FAM171A1: variants seen among roughly 807,000 people sequenced by gnomAD.
FAM171A1 encodes family with sequence similarity 171 member A1.
In FAM171A1, 23 loss-of-function variants were observed where a neutral mutation model predicts 74.9. The observed-to-expected ratio is 0.31, with a 90% confidence interval of 0.22 to 0.44. FAM171A1 has a LOEUF of 0.44. Ranked by LOEUF, FAM171A1 falls within the 20% of genes least tolerant of loss-of-function variation. The pLI, the probability that FAM171A1 is intolerant of heterozygous loss-of-function variation, is 1.00. For synonymous variants in FAM171A1, 527 were observed against 505.7 expected (o/e 1.04, Z -0.57); for missense variants, 1,162 against 1,159.2 (o/e 1.00, Z -0.03).
chr10:15,224,818 A>G (rs1005250060), intron 5 of FAM171A1, among the ~76,000 whole-genome samples: 1 of 152,188 alleles, frequency 6.6e-6, no homozygotes, highest in Non-Finnish European at 1.5e-5. Flanking sequence ...CTTTATCAGC[A>G]GCGTGAAAAC....
At chr10:15,225,274 A>G (rs1289058235) in intron 5 of FAM171A1, among the ~76,000 whole-genome samples, 2 of 152,198 alleles carry the variant, frequency 1.3e-5, no homozygotes, top group African/African-American at 4.8e-5. Flanking sequence ...TCAAAAAATA[A>G]TATCTGGTAA....
intron 1 of FAM171A1, among the ~76,000 whole-genome samples, chr10:15,302,612 T>G (rs565645731): frequency 6.6e-6 from 1 of 152,058 alleles, no homozygotes; most frequent in East Asian, 1.9e-4. Flanking sequence ...CTCCAAGCAT[T>G]AGTGAGTGTT....
intron 5 of FAM171A1, among the ~76,000 whole-genome samples, chr10:15,221,342 G>C (rs980541018): frequency 1.2e-4 from 18 of 152,166 alleles, no homozygotes; most frequent in Non-Finnish European, 2.1e-4. Flanking sequence ...AAACACAGAT[G>C]ATTTTAGCAG....
chr10:15,256,438 A>G (rs1834581560), intron 3 of FAM171A1, among the ~76,000 whole-genome samples: 1 of 152,176 alleles, frequency 6.6e-6, no homozygotes, highest in Non-Finnish European at 1.5e-5. Flanking sequence ...ACTAGCAGGT[A>G]GACTTCTCCA....
intron 1 of FAM171A1, among the ~76,000 whole-genome samples, chr10:15,301,362 A>ATATATGTATT (rs575709720): frequency 1.4e-5 from 2 of 141,564 alleles, no homozygotes; most frequent in African/African-American, 5.2e-5. Flanking sequence ...ATATATATAT[A>ATATATGTATT]TTTTTTTTTT....
rs1461526642 is a variant in FAM171A1, at chr10:15,214,823, T to C, written c.987-222A>G. ...TCGCCCACGTTGGAGTGCAGTGCTA[T>C]GATCATAGCTCACTGCAGGCTTGAC... On this transcript the variant is annotated intron_variant, in intron 7 of 7. Coordinates refer to ENST00000378116, the MANE Select transcript of FAM171A1 (RefSeq NM_001010924.2). 4.0e-5 allele frequency among the ~76,000 whole-genome samples: 6 copies of C among 151,742 alleles called. No homozygotes were observed. The East Asian group carries it at 1.2e-3, about 30-fold the overall frequency.
intron 1 of FAM171A1, among the ~76,000 whole-genome samples, chr10:15,324,918 A>C (rs1287947688): frequency 1.3e-5 from 2 of 152,188 alleles, no homozygotes; most frequent in East Asian, 3.8e-4. Context: ...ATGTGCAGTG[A>C]CTCGTTACAG....
chr10:15,283,737 A>G lies in FAM171A1; in HGVS notation c.325+141T>C, dbSNP rs1834998678. ...GTAGCTGGGACTACAGGTGCACACT[A>G]TGATGCCTGGCTAATTTTAAATTTT... On this transcript the variant is annotated intron_variant, in intron 2 of 7. Coordinates refer to ENST00000378116, the MANE Select transcript of FAM171A1 (RefSeq NM_001010924.2). 8.0e-6 allele frequency: 6 copies of G among 753,110 alleles called. No homozygotes were observed. In the South Asian group the frequency reaches 1.1e-4, roughly 14 times the overall value. The allele number at this position is 753,110 out of a possible 1,614,324, so 46.7% of individuals were successfully genotyped here.
intron 5 of FAM171A1, among the ~76,000 whole-genome samples, chr10:15,229,924 TCATCATCATCAC>T: frequency 2.6e-5 from 2 of 75,964 alleles, no homozygotes. Context: ...ATCACCAACA[TCATCATCATCAC>T]CATCACCATC....
intron 1 of FAM171A1, among the ~76,000 whole-genome samples, chr10:15,367,259 A>C (rs763724106): frequency 6.6e-6 from 1 of 152,208 alleles, no homozygotes; most frequent in Non-Finnish European, 1.5e-5. Flanking sequence ...TAATACTTGA[A>C]AGCTATTTGT....
chr10:15,259,178 A>T (rs1356381479), intron 3 of FAM171A1, among the ~76,000 whole-genome samples: 1 of 152,190 alleles, frequency 6.6e-6, no homozygotes, highest in Non-Finnish European at 1.5e-5. Flanking sequence ...CATCCTTGGC[A>T]TTCACTCAAG....
chr10:15,246,715 G>T (rs1834439609), intron 5 of FAM171A1, among the ~76,000 whole-genome samples: 2 of 152,140 alleles, frequency 1.3e-5, no homozygotes, highest in South Asian at 4.1e-4. Context: ...TAGAGATAGG[G>T]TTTCACCATG....
intron 5 of FAM171A1, among the ~76,000 whole-genome samples, chr10:15,230,003 T>C (rs563193718): frequency 6.7e-6 from 1 of 148,660 alleles, no homozygotes; most frequent in Non-Finnish European, 1.5e-5. Context: ...AGAAAACAGA[T>C]GACTTGCTTC....
chr10:15,251,134 C>T (rs1306128032), intron 4 of FAM171A1, among the ~76,000 whole-genome samples: 1 of 152,162 alleles, frequency 6.6e-6, no homozygotes, highest in Non-Finnish European at 1.5e-5. Flanking sequence ...TGCCTTCCTG[C>T]ATCTATGGAA....
At chr10:15,299,827 A>T (rs1391187209) in intron 1 of FAM171A1, among the ~76,000 whole-genome samples, 1 of 151,872 alleles carries the variant, frequency 6.6e-6, no homozygotes, top group African/African-American at 2.4e-5. Context: ...AAATACAGAA[A>T]ATTAGACGGG....
intron 5 of FAM171A1, among the ~76,000 whole-genome samples, chr10:15,235,077 AGGAGGGCCG>A (rs752833083): frequency 8.5e-5 from 13 of 152,120 alleles, no homozygotes; most frequent in Non-Finnish European, 1.6e-4. Context: ...TGGGAGGTCC[AGGAGGGCCG>A]ATTACCTGAG....
At chr10:15,360,951 A>C (rs977136987) in intron 1 of FAM171A1, among the ~76,000 whole-genome samples, 7 of 152,158 alleles carry the variant, frequency 4.6e-5, no homozygotes, top group African/African-American at 1.2e-4. Flanking sequence ...AAATTAACCC[A>C]TTCTATGCTG....
At chr10:15,343,389 G>A (rs1041467796) in intron 1 of FAM171A1, among the ~76,000 whole-genome samples, 1 of 152,222 alleles carries the variant, frequency 6.6e-6, no homozygotes. Flanking sequence ...ACATGAAGAC[G>A]TGCACCAGCT....
intron 6 of FAM171A1, among the ~76,000 whole-genome samples, chr10:15,218,015 G>C (rs1034332762): frequency 5.3e-5 from 8 of 152,100 alleles, no homozygotes; most frequent in African/African-American, 1.9e-4. Context: ...AAGAAACTTA[G>C]GGTACACATA....
Sources: allele counts gnomAD v4.1 joint callset (sites outside exome capture counted in the v4.1 genomes callset), GRCh38; gene constraint gnomAD v4.1.1; transcripts MANE v1.5; gene names NCBI Gene and HGNC (gene_info 2026-07-23, HGNC 2026-07-21).